The following EPM2A variants were observed in gnomAD, a reference collection of about 807,000 sequenced individuals.
EPM2A encodes EPM2A glucan phosphatase, laforin.
EPM2A carries 21 observed loss-of-function variants against 26.5 expected under a neutral mutation model. The observed-to-expected ratio is 0.79, with a 90% CI of 0.56 to 1.14. EPM2A has a LOEUF of 1.14. Ranked by LOEUF, EPM2A falls within the 50% of genes most tolerant of loss-of-function variation. The probability of loss-of-function intolerance (pLI) is 0.00; values close to 1 mark genes in which losing one functional copy is unlikely to be tolerated. For synonymous variants in EPM2A, 217 were observed against 177.6 expected, an observed-to-expected ratio of 1.22 and a Z score of -1.76; for missense variants, 458 against 440.8, an observed-to-expected ratio of 1.04 and a Z score of -0.35.
rs12208726 is a variant in EPM2A, at chr6:145,683,731, G to A, written c.476+2391C>T. On this transcript the variant is annotated intron_variant, in intron 2 of 3. Transcript: ENST00000367519. ...CCTGTCTTTTCATTCAGGGTGGGGCGGAGGAAGTATGCAGGTGGGTTGTCT... is the reference window on the plus strand; with the variant it reads ...CCTGTCTTTTCATTCAGGGTGGGGCAGAGGAAGTATGCAGGTGGGTTGTCT... 2.3e-3 allele frequency among the ~76,000 whole-genome samples: 354 copies of A among 152,214 alleles called. 5 individuals are homozygous for A. The highest frequency in any genetic ancestry group is 1.2e-3 in the Non-Finnish European group (83 of 68,004).
chr6:145,720,232 CT>C (rs1457269233), intron 1 of EPM2A, among the ~76,000 whole-genome samples: 2 of 152,002 alleles, frequency 1.3e-5, no homozygotes, highest in African/African-American at 4.8e-5. Context: ...GAGTAAAGAA[CT>C]TTTTAAATAA....
chr6:145,518,442 G>C (rs1347104201), intron 2 of EPM2A, among the ~76,000 whole-genome samples: 1 of 152,004 alleles, frequency 6.6e-6, no homozygotes, highest in Non-Finnish European at 1.5e-5. Flanking sequence ...AACATCAGCA[G>C]CAAGATGGAC....
chr6:145,735,367 G>A lies in EPM2A; in HGVS notation c.132C>T (p.Gly44=), dbSNP rs1776810339. 3 of 1,233,598 alleles carry A rather than the reference G, an allele frequency of 2.4e-6. No homozygotes were observed. Among genetic ancestry groups the A allele is most frequent in the Admixed American group, 4.4e-5 (1 of 22,978 alleles). 76.4% of individuals were successfully genotyped at this position (1,233,598 alleles called of 1,614,324 possible). A position where few individuals can be genotyped will look rare whatever the true frequency, so the allele number is the denominator to read the frequency against. The change falls in exon 1 of 4, where the codon GGC becomes GGT. Residue 44 remains glycine (G), a synonymous_variant. Transcript: ENST00000367519. ...CCAGGGCCCCGTCGCCCGCCGCGGT[G>A]CCGGCCGGCCTCAGGCGGACGGCAC... The part of the protein sequence containing the change: ...PRGAVRLRPA[G]TAAGDGALAL...
chr6:145,652,349 G>T (rs1777943685), intron 2 of EPM2A, among the ~76,000 whole-genome samples: 1 of 152,038 alleles, frequency 6.6e-6, no homozygotes, highest in Non-Finnish European at 1.5e-5. Flanking sequence ...TTGTTAATGG[G>T]ATTCTAATTT....
chr6:145,675,048 A>G (rs931053840), intron 2 of EPM2A, among the ~76,000 whole-genome samples: 6 of 152,236 alleles, frequency 3.9e-5, no homozygotes, highest in Non-Finnish European at 8.8e-5. Context: ...AGGTCGGGTT[A>G]CCCACAAAAG....
chr6:145,420,834 A>G lies in EPM2A; in HGVS notation c.556-36737T>C, dbSNP rs545945964. Among the ~76,000 whole-genome samples, 40 of 151,816 alleles carry G rather than the reference A, an allele frequency of 2.6e-4. 1 individual carries two copies. The highest frequency in any genetic ancestry group is 5.1e-4 in the Non-Finnish European group (35 of 67,990). ...AAGGTGAAAGGGTAAGACAGCATGA[A>G]TGCAAGAGAAGAGAGATAGAAAGAG... On this transcript the variant is annotated intron_variant, in intron 4 of 4. Transcript: ENST00000638717.
chr6:145,710,990 A>T (rs1775283720), intron 1 of EPM2A, among the ~76,000 whole-genome samples: 1 of 107,462 alleles, frequency 9.3e-6, no homozygotes, highest in Non-Finnish European at 1.8e-5. Flanking sequence ...GGGAGGGGGG[A>T]GGGATAGCAT....
In EPM2A at chr6:145,557,147, T is replaced by G. The variant is rs1348235023; in HGVS notation, c.341-54572A>C. Among the ~76,000 whole-genome samples the G allele has an allele frequency of 2.0e-5, 3 of 152,192 alleles. No homozygotes were observed. The South Asian group carries it at 6.2e-4, about 31-fold the overall frequency. The stretch of plus-strand genomic sequence containing the variant: ...ATCTTCGCAAGAGTGTTTTATTCAG[T>G]ATTTCAATTCATAAATTATATATTT... On this transcript the variant is annotated intron_variant, in intron 2 of 3. Coordinates refer to the EPM2A transcript ENST00000450221.
At chr6:145,444,230 G>A (rs554817722) in intron 4 of EPM2A, among the ~76,000 whole-genome samples, 2 of 152,316 alleles carry the variant, frequency 1.3e-5, no homozygotes, top group East Asian at 3.9e-4. Context: ...GATGTTGGCT[G>A]TGGGTTTGGC....
chr6:145,521,275 G>A (rs975231593), intron 2 of EPM2A, among the ~76,000 whole-genome samples: 3 of 152,142 alleles, frequency 2.0e-5, no homozygotes, highest in Non-Finnish European at 4.4e-5. Flanking sequence ...TTCATCTCCT[G>A]AGAATGGGGA....
At chr6:145,705,461 G>C (rs749216696) in intron 1 of EPM2A, 32 of 410,828 alleles carry the variant, frequency 7.8e-5, no homozygotes, top group Non-Finnish European at 1.3e-4. Context: ...AGGCTGAGGT[G>C]GGAAGGTCAC....
Position 145,627,029 on chromosome 6 carries a change from A to G in EPM2A, c.*387T>C, listed in dbSNP as rs540537855. 1.8e-5 allele frequency: 20 copies of G among 1,142,384 alleles called. No individual in the cohort carries two copies. In the East Asian group the frequency reaches 5.1e-4, roughly 29 times the overall value. 70.8% of individuals were successfully genotyped at this position (1,142,384 alleles called of 1,614,324 possible). ...AGTGATGAAATCCACATAACTCCAT[A>G]TCTTTTCCTCTACATGGCCAAGAGT... On this transcript the variant is annotated 3_prime_UTR_variant, in exon 4 of 4. Coordinates refer to ENST00000367519, the MANE Select transcript of EPM2A (RefSeq NM_005670.4).
At chr6:145,623,370 C>G (rs1348297034), downstream of EPM2A, among the ~76,000 whole-genome samples, 3 of 152,176 alleles carry the variant, frequency 2.0e-5, no homozygotes, top group Admixed American at 2.0e-4. Context: ...GGAGGCATCA[C>G]TGAAGGAGGG....
intron 1 of EPM2A, among the ~76,000 whole-genome samples, chr6:145,692,076 A>G (rs1359698679): frequency 6.6e-6 from 1 of 152,028 alleles, no homozygotes; most frequent in East Asian, 1.9e-4. Flanking sequence ...GAGTAGTTAT[A>G]TTACTATTAT....
chr6:145,437,767 G>A (rs1779007991), intron 4 of EPM2A, among the ~76,000 whole-genome samples: 1 of 152,192 alleles, frequency 6.6e-6, no homozygotes. Flanking sequence ...CACAGCAATT[G>A]CATGGTTGCT....
At chr6:145,599,233 C>A (rs1469803465) in intron 2 of EPM2A, among the ~76,000 whole-genome samples, 3 of 151,980 alleles carry the variant, frequency 2.0e-5, no homozygotes, top group Admixed American at 2.0e-4. Flanking sequence ...ATTCAGTGGG[C>A]TTTTATAATC....
At chr6:145,434,797 C>T (rs1446999705) in intron 4 of EPM2A, among the ~76,000 whole-genome samples, 1 of 152,114 alleles carries the variant, frequency 6.6e-6, no homozygotes, top group African/African-American at 2.4e-5. Flanking sequence ...CCCCTGGCAA[C>T]CACTGATACA....
At chr6:145,705,955 G>A (rs1368527607) in intron 1 of EPM2A, 6 of 456,624 alleles carry the variant, frequency 1.3e-5, no homozygotes, top group Non-Finnish European at 2.6e-5. Context: ...AGATCTCTCT[G>A]TATATGTGAT....
chr6:145,694,666 T>G (rs1413390914), intron 1 of EPM2A, among the ~76,000 whole-genome samples: 3 of 151,944 alleles, frequency 2.0e-5, no homozygotes, highest in Admixed American at 6.6e-5. Flanking sequence ...AAAAACTATG[T>G]AAGAATAAAA....
Sources: gnomAD v4.1 joint callset for allele counts (sites outside exome capture counted in the v4.1 genomes callset) on GRCh38, gnomAD v4.1.1 for gene constraint, MANE v1.5 for transcripts, NCBI Gene and HGNC (gene_info 2026-07-23, HGNC 2026-07-21) for gene names.